THBS1: variants seen among roughly 807,000 people sequenced by gnomAD.
THBS1 encodes the protein thrombospondin-1.
In THBS1, 29 loss-of-function variants were observed where a neutral mutation model predicts 126.1. The ratio of observed to expected loss-of-function variants is 0.23; its 90% confidence interval spans 0.17 to 0.31. THBS1 has a LOEUF of 0.31. Ranked by LOEUF, THBS1 falls within the 10% of genes least tolerant of loss-of-function variation. THBS1 has a pLI of 1.00. For synonymous variants in THBS1, 496 were observed against 577.8 expected, an observed-to-expected ratio of 0.86 and a Z score of 2.03; for missense variants, 1,198 against 1,545.2, an observed-to-expected ratio of 0.78 and a Z score of 3.77.
Position 39,593,248 on chromosome 15 carries a change from T to C in THBS1, c.2995+21T>C. Reference sequence around the variant, plus strand: ...TGTAGGTGAGTAGCGAGTTCTTAGATCCTAAGAGACTGATGCATACATGGG... The same window carrying C: ...TGTAGGTGAGTAGCGAGTTCTTAGACCCTAAGAGACTGATGCATACATGGG... On this transcript the variant is annotated intron_variant, in intron 18 of 21. Transcript: ENST00000260356. This position sits in a 1 kb window ranked among gnomAD's most constrained non-coding sequence, Gnocchi z 5.9. 6.2e-7 allele frequency: 1 copy of C among 1,611,056 alleles called. No homozygotes were observed. Among genetic ancestry groups the C allele is most frequent in the African/African-American group, 1.3e-5 (1 of 74,946 alleles).
chr15:39,595,312 T>C (rs1162486624), intron 21 of THBS1, 50 bp from the exon 22 acceptor site: 2 of 1,221,980 alleles, frequency 1.6e-6, no homozygotes, highest in Non-Finnish European at 1.1e-6. Context: ...TCTATGCTTT[T>C]ATGAATTAGT....
chr15:39,585,589 T>C, intron 7 of THBS1, 26 bp downstream of exon 7: 1 of 1,605,616 alleles, frequency 6.2e-7, no homozygotes, highest in South Asian at 1.1e-5. Flanking sequence ...GGCATAGCTA[T>C]TCTTCAGTGA....
At chr15:39,586,522 TAAACAAACATG>T (rs1278374084) in intron 7 of THBS1, 1 of 152,150 alleles carries the variant, frequency 6.6e-6, no homozygotes. Flanking sequence ...GGGCAGATGG[TAAACAAACATG>T]CTGTCCTCTT....
In THBS1 at chr15:39,592,848, C is replaced by A; in HGVS notation, c.2767+46C>A. The stretch of plus-strand genomic sequence containing the variant: ...TCTAAGACAGGGACTGCTGGCACAG[C>A]TGTGTAGATTGAAGAAATGAAACCA... On this transcript the variant is annotated intron_variant, in intron 17 of 21. Coordinates refer to ENST00000260356, the MANE Select transcript of THBS1 (RefSeq NM_003246.4). The surrounding 1 kb of genome is among the most constrained non-coding windows in gnomAD (Gnocchi z 4.3). 1.9e-6 allele frequency: 3 copies of A among 1,583,224 alleles called. No homozygotes were observed. The highest frequency in any genetic ancestry group is 1.7e-6 in the Non-Finnish European group (2 of 1,159,130).
rs1595515778 is a variant in THBS1 at position 39,596,729 on chromosome 15, A to C, written c.*1360A>C. On this transcript the variant is annotated 3_prime_UTR_variant, in exon 22 of 22. Transcript: ENST00000260356. The stretch of plus-strand genomic sequence containing the variant: ...TGGAATTAGTTGGTTATCCATTTGC[A>C]AATGTTTTAAATTGCAAAGAAAGCC... 1 of 152,202 alleles carries C rather than the reference A, an allele frequency of 6.6e-6. No individual in the cohort carries two copies. The highest frequency in any genetic ancestry group is 1.9e-4 in the East Asian group (1 of 5,202). 9.4% of individuals were successfully genotyped at this position (152,202 alleles called of 1,614,324 possible). A position where few individuals can be genotyped will look rare whatever the true frequency, so the allele number is the denominator to read the frequency against.
chr15:39,590,815 TTTTG>T (rs1890312083), intron 14 of THBS1, 192 bp downstream of exon 14: 3 of 588,206 alleles, frequency 5.1e-6, no homozygotes, highest in Non-Finnish European at 8.8e-6. Flanking sequence ...TAAATGAGGG[TTTTG>T]TTTTTCATCA....
intron 16 of THBS1, among the ~76,000 whole-genome samples, chr15:39,591,992 T>C (rs1315399095): frequency 6.6e-6 from 1 of 152,248 alleles, no homozygotes; most frequent in Admixed American, 6.5e-5. Context: ...TAAATGTGCA[T>C]AAGCAAAATA....
Position 39,593,340 on chromosome 15 carries a change from G to A in THBS1, c.2996-57G>A. The A allele has an allele frequency of 6.2e-7, 1 of 1,613,068 alleles. No individual in the cohort carries two copies. Among genetic ancestry groups the A allele is most frequent in the South Asian group, 1.1e-5 (1 of 90,966 alleles). On this transcript the variant is annotated intron_variant, in intron 18 of 21. Transcript: ENST00000260356. This position sits in a 1 kb window ranked among gnomAD's most constrained non-coding sequence, Gnocchi z 5.9. ...GGGTGCTGAGGATGTCTAGGAACAT[G>A]ATGGAGAACCTTCTGAAGGCTGCAG...
Position 39,590,561 on chromosome 15 carries a change from A to C in THBS1, c.2191A>C (p.Lys731Gln), listed in dbSNP as rs1890307333. ...CAACTCAGGGCAGGAAGACTATGAC[A>C]AGGATGGAATTGGTGATGCCTGTGA... is the stretch of plus-strand genomic sequence containing the variant. ...LPNSGQEDYD[K>Q]DGIGDACDDD... is the part of the protein sequence containing the mutation. The change falls in exon 14 of 22, where the codon AAG becomes CAG. Residue 731 changes from lysine (K) to glutamine (Q), a missense_variant. Physicochemically the swap from Lys to Gln is moderately conservative, Grantham distance 53. Transcript: ENST00000260356. The C allele has an allele frequency of 6.2e-7, 1 of 1,613,890 alleles. No individual in the cohort carries two copies. The highest frequency in any genetic ancestry group is 1.1e-5 in the South Asian group (1 of 91,008).
In THBS1 at chr15:39,592,765, C is replaced by T; in HGVS notation, c.2730C>T (p.Cys910=). 1 of 1,614,108 alleles carries T rather than the reference C, an allele frequency of 6.2e-7. No homozygotes were observed. The highest frequency in any genetic ancestry group is 8.5e-7 in the Non-Finnish European group (1 of 1,179,986). The change falls in exon 17 of 22, where the codon TGC becomes TGT. Residue 910 remains cysteine, a synonymous_variant. Coordinates refer to ENST00000260356, the MANE Select transcript of THBS1 (RefSeq NM_003246.4). The surrounding 1 kb of genome is among the most constrained non-coding windows in gnomAD (Gnocchi z 4.3). ...NDGIPDDKDN[C]RLVPNPDQKD... ...GCATTCCTGATGACAAGGACAACTG[C>T]AGACTCGTGCCCAATCCCGACCAGA...
intron 2 of THBS1, 113 bp downstream of exon 2, chr15:39,582,037 G>A (rs1475087031): frequency 1.5e-6 from 2 of 1,360,948 alleles, no homozygotes; most frequent in Admixed American, 1.9e-5. Context: ...CTGGACATCA[G>A]GACGCAGCTT....
chr15:39,592,659 C>G lies in THBS1; in HGVS notation c.2624C>G (p.Pro875Arg). The G allele has an allele frequency of 1.2e-6, 2 of 1,614,122 alleles. No individual in the cohort carries two copies. Among genetic ancestry groups the G allele is most frequent in the Non-Finnish European group, 1.7e-6 (2 of 1,180,034 alleles). ...DGHQNNLDNC[P>R]YVPNANQADH... ...CACCAGAACAATCTGGACAACTGTC[C>G]CTATGTGCCCAATGCCAACCAGGCT... The change falls in exon 17 of 22, where the codon CCC (proline) becomes CGC (arginine). Residue 875 changes from proline to arginine, a missense_variant. Around this residue, in one of 4 missense-constraint regions of THBS1, gnomAD observed 9 missense variants for 34.2 expected, o/e 0.26. Transcript: ENST00000260356. The surrounding 1 kb of genome is among the most constrained non-coding windows in gnomAD (Gnocchi z 4.3).
Position 39,597,329 on chromosome 15 carries a change from G to T in THBS1, c.*1960G>T, listed in dbSNP as rs1198410467. 4.2e-4 allele frequency: 5 copies of T among 11,908 alleles called. No homozygotes were observed. Among genetic ancestry groups the T allele is most frequent in the Admixed American group, 1.1e-3 (1 of 932 alleles). The allele number at this position is 11,908 out of a possible 1,614,324, so 0.7% of individuals were successfully genotyped here. A position where few individuals can be genotyped will look rare whatever the true frequency, so the allele number is the denominator to read the frequency against. On this transcript the variant is annotated 3_prime_UTR_variant, in exon 22 of 22. Transcript: ENST00000260356. ...TTTTGACCTCCCATTTTTACTATTT[G>T]CCAATACCTTTTTCTAGGAATGTGC... is the stretch of plus-strand genomic sequence containing the variant.
intron 3 of THBS1, 55 bp from the exon 4 acceptor site, chr15:39,583,562 C>CCCCAAA: frequency 2.8e-5 from 18 of 632,654 alleles, no homozygotes; most frequent in East Asian, 7.5e-5. Flanking sequence ...TCTCCCCCAA[C>CCCCAAA]CCCATCCCCA....
Position 39,587,461 on chromosome 15 carries a change from G to C in THBS1, c.1235G>C (p.Arg412Pro). The C allele has an allele frequency of 6.2e-7, 1 of 1,613,808 alleles. No individual in the cohort carries two copies. Reference sequence around the variant, plus strand: ...CGCTCCTGCGATAGCCTCAACAACCGATGTGAGGGCTCCTCGGTCCAGACA... The same window carrying C: ...CGCTCCTGCGATAGCCTCAACAACCCATGTGAGGGCTCCTCGGTCCAGACA... ...RGRSCDSLNNRCEGSSVQTRT... is the reference protein window; with the variant it reads ...RGRSCDSLNNPCEGSSVQTRT... Residue 412 changes from arginine to proline, a missense_variant, in exon 8 of 22, where the codon CGA (arginine) becomes CCA (proline). Transcript: ENST00000260356.
rs533817538 is a variant in THBS1 at position 39,592,843 on chromosome 15, C to G, written c.2767+41C>G. ...CACTTTCTAAGACAGGGACTGCTGG[C>G]ACAGCTGTGTAGATTGAAGAAATGA... On this transcript the variant is annotated intron_variant, in intron 17 of 21. Transcript: ENST00000260356. The surrounding 1 kb of genome is among the most constrained non-coding windows in gnomAD (Gnocchi z 4.3). The G allele has an allele frequency of 1.9e-6, 3 of 1,586,692 alleles. No homozygotes were observed. The South Asian group carries it at 3.4e-5, about 18-fold the overall frequency.
rs1890291591 is a variant in THBS1 at position 39,589,840 on chromosome 15, C to G, written c.1962C>G (p.Thr654=). ...CKPRNPCTDG[T]HDCNKNAKCN... The stretch of plus-strand genomic sequence containing the variant: ...CCCGTAACCCCTGCACGGATGGGAC[C>G]CACGACTGCAACAAGAACGCCAAGT... The change falls in exon 13 of 22, where the codon ACC becomes ACG. Residue 654 remains threonine (T), a synonymous_variant. Coordinates refer to ENST00000260356, the MANE Select transcript of THBS1 (RefSeq NM_003246.4). The surrounding 1 kb of genome is among the most constrained non-coding windows in gnomAD (Gnocchi z 4.7). 6.2e-7 allele frequency: 1 copy of G among 1,613,946 alleles called. No individual in the cohort carries two copies. Among genetic ancestry groups the G allele is most frequent in the African/African-American group, 1.3e-5 (1 of 75,038 alleles).
chr15:39,594,076 C>A lies in THBS1; in HGVS notation c.3268-23C>A, dbSNP rs775296490. 10 of 1,602,712 alleles carry A rather than the reference C, an allele frequency of 6.2e-6. No individual in the cohort carries two copies. In the Middle Eastern group the frequency reaches 5.0e-4, roughly 79 times the overall value. On this transcript the variant is annotated intron_variant, in intron 19 of 21. Coordinates refer to ENST00000260356, the MANE Select transcript of THBS1 (RefSeq NM_003246.4). The surrounding 1 kb of genome is among the most constrained non-coding windows in gnomAD (Gnocchi z 4.4). ...TTACCTGAAGGAGCTGTGTTTCAACCTTTCCTTTTCCTTTTCCTTCAGGTG... is the reference window on the plus strand; with the variant it reads ...TTACCTGAAGGAGCTGTGTTTCAACATTTCCTTTTCCTTTTCCTTCAGGTG...
At position 39,594,237 on chromosome 15, in the gene THBS1, A is replaced by G. The variant is rs756912447; in HGVS notation, c.3365+41A>G. On this transcript the variant is annotated intron_variant, in intron 20 of 21. Coordinates refer to ENST00000260356, the MANE Select transcript of THBS1 (RefSeq NM_003246.4). The surrounding 1 kb of genome is among the most constrained non-coding windows in gnomAD (Gnocchi z 4.4). Reference sequence around the variant, plus strand: ...TTCACTTTCACTTACAGTCACACTGAGGGACAAAAAGACAAAAAGTATTAA... The same window carrying G: ...TTCACTTTCACTTACAGTCACACTGGGGGACAAAAAGACAAAAAGTATTAA... 4.3e-6 allele frequency: 7 copies of G among 1,613,746 alleles called. No individual in the cohort carries two copies. The South Asian group carries it at 6.6e-5, about 15-fold the overall frequency.
Sources: gnomAD v4.1 joint callset for allele counts (sites outside exome capture counted in the v4.1 genomes callset) on GRCh38, gnomAD v4.1.1 for gene constraint, gnomAD v4.1.1 regional missense constraint, Gnocchi (gnomAD v3.1) non-coding constraint, MANE v1.5 for transcripts, NCBI Gene and HGNC (gene_info 2026-07-23, HGNC 2026-07-21) for gene names.